Variants in CNTNAP5 observed in about 807,000 individuals in gnomAD.
The protein encoded by CNTNAP5 is contactin-associated protein-like 5.
Under a neutral mutation model 150.2 loss-of-function variants are expected in CNTNAP5, and 72 were observed. That is an observed-to-expected ratio of 0.48 (90% CI 0.40 to 0.58). The LOEUF (loss-of-function observed/expected upper bound fraction) is 0.58. Ranked by LOEUF, CNTNAP5 falls within the 20% of genes least tolerant of loss-of-function variation. The pLI, the probability that CNTNAP5 is intolerant of heterozygous loss-of-function variation, is 0.00. For synonymous variants in CNTNAP5, 672 were observed against 619.8 expected, an observed-to-expected ratio of 1.08 and a Z score of -1.25; for missense variants, 1,636 against 1,626.2, an observed-to-expected ratio of 1.01 and a Z score of -0.10.
chr2:124,265,179 A>G (rs1687572749), intron 3 of CNTNAP5, among the ~76,000 whole-genome samples: 1 of 152,180 alleles, frequency 6.6e-6, no homozygotes, highest in Non-Finnish European at 1.5e-5. Flanking sequence ...TTCCCCACCT[A>G]GGTGCACAAG....
intron 17 of CNTNAP5, among the ~76,000 whole-genome samples, chr2:124,774,017 T>C (rs1242763697): frequency 6.6e-6 from 1 of 150,492 alleles, no homozygotes; most frequent in African/African-American, 2.5e-5. Flanking sequence ...AAAATTAACA[T>C]AGGTTGAGGA....
rs1681728722 is a variant in CNTNAP5, at chr2:124,791,545, C to T, written c.2992+1404C>T. Among the ~76,000 whole-genome samples, 4 of 152,146 alleles carry T rather than the reference C, an allele frequency of 2.6e-5. No individual in the cohort carries two copies. In the South Asian group the frequency reaches 8.3e-4, roughly 32 times the overall value. ...CGAACAGAATAAATACTATGAGACC[C>T]TGGCACTGAAATGCACAAGCATTCT... On this transcript the variant is annotated intron_variant, in intron 18 of 23. Transcript: ENST00000682447.
At chr2:124,643,771 G>T (rs1678145182) in intron 12 of CNTNAP5, among the ~76,000 whole-genome samples, 1 of 152,182 alleles carries the variant, frequency 6.6e-6, no homozygotes, top group Non-Finnish European at 1.5e-5. Flanking sequence ...TTCCAATGAG[G>T]AAACCTCAGA....
At chr2:124,316,357 T>C (rs866489614) in intron 3 of CNTNAP5, among the ~76,000 whole-genome samples, 6 of 152,176 alleles carry the variant, frequency 3.9e-5, no homozygotes, top group Admixed American at 1.3e-4. Flanking sequence ...TTGCCTAATA[T>C]CTCTTTAACT....
intron 1 of CNTNAP5, among the ~76,000 whole-genome samples, chr2:124,054,691 C>T (rs565437443): frequency 4.8e-4 from 73 of 152,304 alleles, no homozygotes; most frequent in Middle Eastern, 3.4e-3. Flanking sequence ...CCCATGATTA[C>T]TCTTTTCATA....
intron 17 of CNTNAP5, among the ~76,000 whole-genome samples, chr2:124,776,786 G>A (rs905847029): frequency 5.3e-5 from 8 of 152,118 alleles, no homozygotes; most frequent in Non-Finnish European, 1.0e-4. Flanking sequence ...TTTACATAAA[G>A]CTGTATTTGC....
intron 3 of CNTNAP5, among the ~76,000 whole-genome samples, chr2:124,293,348 T>C (rs1688348222): frequency 6.6e-6 from 1 of 152,096 alleles, no homozygotes; most frequent in Admixed American, 6.5e-5. Flanking sequence ...CTTACAAAAA[T>C]TTCAAAACTG....
intron 14 of CNTNAP5, among the ~76,000 whole-genome samples, chr2:124,750,041 G>C (rs1680692055): frequency 2.0e-5 from 3 of 152,086 alleles, no homozygotes; most frequent in Admixed American, 2.0e-4. Context: ...TCATCATCTA[G>C]AGTGAGCCCA....
chr2:124,469,771 T>A (rs1350140767), intron 6 of CNTNAP5, among the ~76,000 whole-genome samples: 1 of 152,136 alleles, frequency 6.6e-6, no homozygotes. Flanking sequence ...TTCACCTCCC[T>A]GTGCCCATGT....
intron 1 of CNTNAP5, among the ~76,000 whole-genome samples, chr2:124,027,608 C>T (rs1220494323): frequency 6.6e-6 from 1 of 152,174 alleles, no homozygotes; most frequent in Non-Finnish European, 1.5e-5. Flanking sequence ...ACCTAAATGA[C>T]ATGGATTTAA....
chr2:124,138,166 A>G (rs893757078), intron 1 of CNTNAP5, among the ~76,000 whole-genome samples: 1 of 152,160 alleles, frequency 6.6e-6, no homozygotes. Flanking sequence ...GCATCTCACT[A>G]GTGTATGTGA....
intron 10 of CNTNAP5, among the ~76,000 whole-genome samples, chr2:124,555,003 T>C (rs545631776): frequency 6.6e-6 from 1 of 152,322 alleles, no homozygotes; most frequent in East Asian, 1.9e-4. Context: ...TGACTTGATG[T>C]AAGACATTAA....
At chr2:124,897,125 T>C (rs1678322593) in intron 21 of CNTNAP5, among the ~76,000 whole-genome samples, 1 of 151,518 alleles carries the variant, frequency 6.6e-6, no homozygotes, top group Admixed American at 6.6e-5. Flanking sequence ...CCTGAAAATG[T>C]GTTCTTTAAA....
chr2:124,083,601 A>G (rs1400617636), intron 1 of CNTNAP5, among the ~76,000 whole-genome samples: 1 of 152,090 alleles, frequency 6.6e-6, no homozygotes, highest in Non-Finnish European at 1.5e-5. Context: ...TGAGTTGTCA[A>G]AAATCAATTG....
rs1380071602 is a variant in CNTNAP5, at chr2:124,773,935, TGTGTGTGTGTGTGAGA to T, written c.2752+920_2752+935del. On this transcript the variant is annotated intron_variant, in intron 17 of 23. Transcript: ENST00000682447. ...GTGTGTGTGTGTGTGTGTGTGTGTG[TGTGTGTGTGTGTGAGA>T]GAGAGAGAGAGAGAGAGAGACTAAT... 2.4e-3 allele frequency among the ~76,000 whole-genome samples: 355 copies of T among 147,824 alleles called. 2 individuals are homozygous for T. The highest frequency in any genetic ancestry group is 8.9e-3 in the African/African-American group (341 of 38,460).
chr2:124,529,723 G>A (rs1325271624), intron 10 of CNTNAP5, among the ~76,000 whole-genome samples: 1 of 152,142 alleles, frequency 6.6e-6, no homozygotes, highest in Non-Finnish European at 1.5e-5. Flanking sequence ...AGAAAGGAAG[G>A]GAATAGGCTG....
chr2:124,423,710 G>A (rs1397828040), intron 4 of CNTNAP5, among the ~76,000 whole-genome samples: 5 of 110,028 alleles, frequency 4.5e-5, no homozygotes, highest in Non-Finnish European at 5.1e-5. Flanking sequence ...TGTCGCCCAG[G>A]CTGGAGTGCA....
At chr2:124,263,308 CTGT>C (rs905950323) in intron 3 of CNTNAP5, among the ~76,000 whole-genome samples, 1 of 152,124 alleles carries the variant, frequency 6.6e-6, no homozygotes, top group African/African-American at 2.4e-5. Context: ...TCTCCAGCAC[CTGT>C]TGTTTCCTGA....
chr2:124,624,151 A>C (rs1677672217), intron 12 of CNTNAP5, among the ~76,000 whole-genome samples: 1 of 152,180 alleles, frequency 6.6e-6, no homozygotes, highest in Admixed American at 6.5e-5. Flanking sequence ...AGAAGGCATA[A>C]TCTCCTGCTA....
Sources: allele counts gnomAD v4.1 joint callset (sites outside exome capture counted in the v4.1 genomes callset), GRCh38; gene constraint gnomAD v4.1.1; transcripts MANE v1.5; gene names NCBI Gene and HGNC (gene_info 2026-07-23, HGNC 2026-07-21).